The following AGPAT5 variants were observed in gnomAD, a reference collection of about 807,000 sequenced individuals.
AGPAT5 encodes the protein 1-acylglycerol-3-phosphate O-acyltransferase 5.
AGPAT5 carries 46 observed loss-of-function variants against 45.6 expected under a neutral mutation model. That is an observed-to-expected ratio of 1.01 (90% CI 0.80 to 1.29). The LOEUF (loss-of-function observed/expected upper bound fraction) is 1.29. Among genes scored for constraint, AGPAT5 ranks in the 50% most tolerant of loss-of-function variants. The pLI is 0.00. For synonymous variants in AGPAT5, 272 were observed against 167.0 expected (o/e 1.63, Z -4.85); for missense variants, 673 against 450.7 (o/e 1.49, Z -4.47).
chr8:6,744,912 C>G (rs550452081), intron 5 of AGPAT5, among the ~76,000 whole-genome samples: 1 of 152,176 alleles, frequency 6.6e-6, no homozygotes. Context: ...TGGAGAACAT[C>G]GTAAGATCAA....
intron 1 of AGPAT5, among the ~76,000 whole-genome samples, chr8:6,723,392 G>A (rs1800572571): frequency 6.6e-6 from 1 of 152,164 alleles, no homozygotes; most frequent in African/African-American, 2.4e-5. Flanking sequence ...TGGCTGTGCT[G>A]CCCATGCTGG....
chr8:6,716,762 G>A (rs1238711310), intron 1 of AGPAT5, among the ~76,000 whole-genome samples: 2 of 152,156 alleles, frequency 1.3e-5, no homozygotes, highest in Non-Finnish European at 2.9e-5. Flanking sequence ...GAGCCCAGGA[G>A]ACAGAGGTTG....
At chr8:6,737,604 A>T (rs1038065031) in intron 4 of AGPAT5, among the ~76,000 whole-genome samples, 1 of 152,354 alleles carries the variant, frequency 6.6e-6, no homozygotes, top group African/African-American at 2.4e-5. Context: ...ATTTTGTTAG[A>T]CTATGAGCTA....
chr8:6,759,979 G>T lies in AGPAT5; in HGVS notation c.*2591G>T, dbSNP rs1218628124. On this transcript the variant is annotated 3_prime_UTR_variant, in exon 8 of 8. Coordinates refer to ENST00000285518, the MANE Select transcript of AGPAT5 (RefSeq NM_018361.5). ...AGTTGGTGAATAAAAGTGCCGATCT[G>T]GCTAACTCTTACACCATACATACTG... Among the ~76,000 whole-genome samples, 1 of 152,132 alleles carries T rather than the reference G, an allele frequency of 6.6e-6. No homozygotes were observed. The highest frequency in any genetic ancestry group is 2.4e-5 in the African/African-American group (1 of 41,434).
intron 6 of AGPAT5, among the ~76,000 whole-genome samples, chr8:6,750,161 C>T (rs1400488897): frequency 6.6e-6 from 1 of 152,230 alleles, no homozygotes; most frequent in Non-Finnish European, 1.5e-5. Context: ...CTTCTCCTGC[C>T]CCTGCTCTTG....
Position 6,760,051 on chromosome 8 carries a change from G to A in AGPAT5, c.*2663G>A, listed in dbSNP as rs1312443606. 6.6e-6 allele frequency among the ~76,000 whole-genome samples: 1 copy of A among 152,096 alleles called. No individual in the cohort carries two copies. Among genetic ancestry groups the A allele is most frequent in the Non-Finnish European group, 1.5e-5 (1 of 68,032 alleles). ...TTCCATGTGATTTTTAAAATTTAGA[G>A]TGGCAACAATTTTGCTTAATATGGG... On this transcript the variant is annotated 3_prime_UTR_variant, in exon 8 of 8. Transcript: ENST00000285518.
intron 4 of AGPAT5, among the ~76,000 whole-genome samples, chr8:6,734,828 CTT>C (rs1173524440): frequency 6.6e-6 from 1 of 151,946 alleles, no homozygotes; most frequent in Non-Finnish European, 1.5e-5. Flanking sequence ...TGCTCATGTG[CTT>C]TTTCTCACAG....
intron 1 of AGPAT5, among the ~76,000 whole-genome samples, chr8:6,723,538 T>A (rs1800579667): frequency 2.0e-5 from 3 of 150,168 alleles, no homozygotes; most frequent in East Asian, 2.0e-4. Flanking sequence ...AACTTTTAAA[T>A]CAGTGCATAC....
At chr8:6,725,469 A>G (rs1301724801) in intron 2 of AGPAT5, among the ~76,000 whole-genome samples, 2 of 152,208 alleles carry the variant, frequency 1.3e-5, no homozygotes, top group Non-Finnish European at 1.5e-5. Context: ...ACAGTGCAGT[A>G]TATACTTTAG....
intron 1 of AGPAT5, among the ~76,000 whole-genome samples, chr8:6,720,235 G>A (rs1307130306): frequency 1.4e-5 from 2 of 139,746 alleles, no homozygotes; most frequent in African/African-American, 5.7e-5. Context: ...GGAACATTCT[G>A]GACACAATTT....
Position 6,727,473 on chromosome 8 carries a change from C to T in AGPAT5, c.289+2534C>T, listed in dbSNP as rs917418929. Among the ~76,000 whole-genome samples, 3 of 152,068 alleles carry T rather than the reference C, an allele frequency of 2.0e-5. No individual in the cohort carries two copies. In the East Asian group the frequency reaches 5.8e-4, roughly 29 times the overall value. On this transcript the variant is annotated intron_variant, in intron 2 of 7. Transcript: ENST00000285518. ...CTCAGCTCACTGCAACCTTTGCCTC[C>T]CGGGTTCAAGCCATTTTCCTGCCTC...
intron 4 of AGPAT5, among the ~76,000 whole-genome samples, chr8:6,739,999 C>A (rs1053471532): frequency 6.6e-6 from 1 of 151,884 alleles, no homozygotes. Context: ...TAATGTATTT[C>A]TTTTCCTCAC....
At chr8:6,741,830 CT>C (rs1801254760) in intron 5 of AGPAT5, 79 bp downstream of exon 5, 10 of 1,164,020 alleles carry the variant, frequency 8.6e-6, no homozygotes, top group African/African-American at 1.5e-5. Flanking sequence ...GGAAAAGATA[CT>C]TTTGTTTTAC....
Position 6,708,860 on chromosome 8 carries a change from C to T in AGPAT5, c.192C>T (p.Phe64=), listed in dbSNP as rs1800031623. The stretch of plus-strand genomic sequence containing the variant: ...GCGTCTACCAGAGCATGGTGCTCTT[C>T]TTCTTCGAGAATTACACCGGGGTCC... ...LYCVYQSMVL[F]FFENYTGVQI... The change falls in exon 1 of 8, where the codon TTC becomes TTT. Residue 64 remains phenylalanine (F), a synonymous_variant. Transcript: ENST00000285518. 1.2e-6 allele frequency: 2 copies of T among 1,609,034 alleles called. No individual in the cohort carries two copies. Among genetic ancestry groups the T allele is most frequent in the African/African-American group, 1.3e-5 (1 of 74,676 alleles).
chr8:6,748,563 G>C (rs1210198409), intron 6 of AGPAT5, among the ~76,000 whole-genome samples: 2 of 152,118 alleles, frequency 1.3e-5, no homozygotes, highest in Non-Finnish European at 2.9e-5. Context: ...GGAGTGCAGT[G>C]GCGCAATCTT....
chr8:6,719,435 C>G (rs1289735406), intron 1 of AGPAT5, among the ~76,000 whole-genome samples: 3 of 152,118 alleles, frequency 2.0e-5, no homozygotes, highest in East Asian at 3.9e-4. Flanking sequence ...AAACATAAAG[C>G]CTTCCATCAC....
intron 1 of AGPAT5, among the ~76,000 whole-genome samples, chr8:6,712,826 G>C (rs965955744): frequency 2.6e-5 from 4 of 152,180 alleles, no homozygotes; most frequent in Non-Finnish European, 2.9e-5. Flanking sequence ...AATCTTTTTA[G>C]CATGTTCTGT....
intron 4 of AGPAT5, among the ~76,000 whole-genome samples, chr8:6,738,891 C>T (rs1367029411): frequency 1.3e-5 from 2 of 151,910 alleles, no homozygotes; most frequent in African/African-American, 4.8e-5. Context: ...GAAGTCCTTG[C>T]CAAACTTAAG....
In AGPAT5 at chr8:6,759,002, C is replaced by T. The variant is rs1462635435; in HGVS notation, c.*1614C>T. 2 of 152,352 alleles carry T rather than the reference C, an allele frequency of 1.3e-5. No individual in the cohort carries two copies. The highest frequency in any genetic ancestry group is 2.4e-5 in the African/African-American group (1 of 41,444). 9.4% of individuals were successfully genotyped at this position (152,352 alleles called of 1,614,324 possible). ...CCAGAGAATAAACTCTTTCAAGCAT[C>T]ATCTTTGAAGAGTCGTGTGGTGTGA... is the stretch of plus-strand genomic sequence containing the variant. On this transcript the variant is annotated 3_prime_UTR_variant, in exon 8 of 8. Coordinates refer to ENST00000285518, the MANE Select transcript of AGPAT5 (RefSeq NM_018361.5).
Sources: gnomAD v4.1 joint callset for allele counts (sites outside exome capture counted in the v4.1 genomes callset) on GRCh38, gnomAD v4.1.1 for gene constraint, MANE v1.5 for transcripts, NCBI Gene and HGNC (gene_info 2026-07-23, HGNC 2026-07-21) for gene names.